Variants in SPIN1 observed in about 807,000 individuals in gnomAD.
SPIN1 encodes the protein spindlin 1.
SPIN1 carries 3 observed loss-of-function variants against 26.0 expected under a neutral mutation model. The ratio of observed to expected loss-of-function variants is 0.12; its 90% confidence interval spans 0.05 to 0.30. The LOEUF is 0.30. Ranked by LOEUF, SPIN1 falls within the 10% of genes least tolerant of loss-of-function variation. The pLI is 1.00. For missense variants in SPIN1, 126 were observed against 333.4 expected (o/e 0.38, Z 4.84); for synonymous variants, 101 against 116.5 (o/e 0.87, Z 0.86).
intron 4 of SPIN1, among the ~76,000 whole-genome samples, chr9:88,463,415 A>G (rs1013632380): frequency 6.6e-6 from 1 of 152,252 alleles, no homozygotes; most frequent in Non-Finnish European, 1.5e-5. Context: ...TTTTCTTATT[A>G]CAGTGATGCT....
chr9:88,465,151 T>C (rs1044763800), intron 4 of SPIN1, among the ~76,000 whole-genome samples: 1 of 152,238 alleles, frequency 6.6e-6, no homozygotes, highest in Non-Finnish European at 1.5e-5. Flanking sequence ...TGTTCACCCA[T>C]TAATGGACAT....
intron 1 of SPIN1, among the ~76,000 whole-genome samples, chr9:88,392,834 C>G (rs1442802821): frequency 6.6e-6 from 1 of 152,162 alleles, no homozygotes; most frequent in Non-Finnish European, 1.5e-5. Context: ...ACTGCCTACA[C>G]CACCTGTAGT....
chr9:88,407,135 TAA>T (rs397893590), intron 1 of SPIN1, among the ~76,000 whole-genome samples: 2,699 of 122,704 alleles, frequency 0.022, 90 homozygotes, highest in African/African-American at 0.075. Context: ...GATCTTCCTT[TAA>T]AAAAAAAAAA....
At chr9:88,432,459 A>AT (rs1238645803) in intron 2 of SPIN1, among the ~76,000 whole-genome samples, 2 of 143,672 alleles carry the variant, frequency 1.4e-5, no homozygotes. Context: ...AAGTGCTGGG[A>AT]TTACAGGTGT....
chr9:88,446,938 G>A (rs575236544), intron 2 of SPIN1, among the ~76,000 whole-genome samples: 1 of 152,300 alleles, frequency 6.6e-6, no homozygotes, highest in South Asian at 2.1e-4. Flanking sequence ...GCTTTGTTGA[G>A]CTTGTTAGCT....
chr9:88,478,243 T>A lies in SPIN1; in HGVS notation c.*2966T>A, dbSNP rs765608188. On this transcript the variant is annotated 3_prime_UTR_variant, in exon 6 of 6. Coordinates refer to ENST00000375859, the MANE Select transcript of SPIN1 (RefSeq NM_006717.3). ...ACGAAGTGCATTGGGCTTCAATCTCTGAACACTGTAGACCCATTAGAAGAC... is the reference window on the plus strand; with the variant it reads ...ACGAAGTGCATTGGGCTTCAATCTCAGAACACTGTAGACCCATTAGAAGAC... 7.2e-5 allele frequency: 11 copies of A among 152,806 alleles called. No homozygotes were observed. The highest frequency in any genetic ancestry group is 2.1e-4 in the South Asian group (1 of 4,834). 9.5% of individuals were successfully genotyped at this position (152,806 alleles called of 1,614,324 possible). A position where few individuals can be genotyped will look rare whatever the true frequency, so the allele number is the denominator to read the frequency against.
At chr9:88,440,583 T>A (rs867738560) in intron 2 of SPIN1, among the ~76,000 whole-genome samples, 17 of 149,622 alleles carry the variant, frequency 1.1e-4, no homozygotes, top group Middle Eastern at 3.4e-3. Context: ...CTTTCTACCC[T>A]TTTTTTTTTC....
intron 2 of SPIN1, among the ~76,000 whole-genome samples, chr9:88,440,610 G>A (rs747085278): frequency 2.7e-5 from 4 of 149,484 alleles, no homozygotes; most frequent in East Asian, 2.0e-4. Context: ...ATGGAGTCTC[G>A]CTCTGTTGCC....
At chr9:88,420,462 A>C (rs1361618838) in intron 1 of SPIN1, among the ~76,000 whole-genome samples, 1 of 152,216 alleles carries the variant, frequency 6.6e-6, no homozygotes, top group Non-Finnish European at 1.5e-5. Flanking sequence ...AATCCAGAGG[A>C]ATGGAGCCAG....
intron 1 of SPIN1, among the ~76,000 whole-genome samples, chr9:88,422,410 T>C (rs1827687982): frequency 2.0e-5 from 3 of 152,372 alleles, no homozygotes; most frequent in South Asian, 2.1e-4. Flanking sequence ...TAAAAAAACC[T>C]GAGCAAATTA....
intron 3 of SPIN1, 132 bp downstream of exon 3, chr9:88,449,121 T>C (rs753389392): frequency 1.4e-4 from 107 of 767,526 alleles, no homozygotes; most frequent in Non-Finnish European, 2.1e-4. Context: ...TAGTGTGCGA[T>C]GAGGAATAGT....
At chr9:88,435,179 C>T (rs1478582391) in intron 2 of SPIN1, among the ~76,000 whole-genome samples, 4 of 151,734 alleles carry the variant, frequency 2.6e-5, no homozygotes, top group Non-Finnish European at 5.9e-5. Context: ...CCAGATTGCC[C>T]TCCATCGACT....
intron 1 of SPIN1, among the ~76,000 whole-genome samples, chr9:88,405,166 A>G (rs1426198287): frequency 6.6e-6 from 1 of 152,226 alleles, no homozygotes; most frequent in Non-Finnish European, 1.5e-5. Context: ...TAGTTAATAC[A>G]TAAACCAGTA....
chr9:88,457,527 C>A (rs1564040435), intron 3 of SPIN1, among the ~76,000 whole-genome samples: 1 of 151,708 alleles, frequency 6.6e-6, no homozygotes, highest in Non-Finnish European at 1.5e-5. Flanking sequence ...GAGACTCTCT[C>A]AAAAAATAAT....
chr9:88,415,899 A>T (rs1413608285), intron 1 of SPIN1, among the ~76,000 whole-genome samples: 1 of 147,390 alleles, frequency 6.8e-6, no homozygotes, highest in Non-Finnish European at 1.5e-5. Context: ...GCCAGCCACC[A>T]TGCTCGGCTA....
chr9:88,400,760 G>A (rs766091173), intron 1 of SPIN1, among the ~76,000 whole-genome samples: 2 of 151,794 alleles, frequency 1.3e-5, no homozygotes, highest in African/African-American at 4.8e-5. Flanking sequence ...CAGGAGAATC[G>A]CTTGAGCCCA....
intron 5 of SPIN1, among the ~76,000 whole-genome samples, chr9:88,471,865 C>G (rs374322661): frequency 6.6e-6 from 1 of 151,892 alleles, no homozygotes; most frequent in African/African-American, 2.4e-5. Context: ...CAGTCGCACT[C>G]TGTTGCTCAG....
At chr9:88,446,599 G>T (rs1315835056) in intron 2 of SPIN1, among the ~76,000 whole-genome samples, 1 of 151,810 alleles carries the variant, frequency 6.6e-6, no homozygotes, top group East Asian at 1.9e-4. Context: ...GTAGAAACAG[G>T]GTTTCACCAT....
intron 5 of SPIN1, among the ~76,000 whole-genome samples, chr9:88,469,320 G>A (rs1394232447): frequency 6.6e-6 from 1 of 152,176 alleles, no homozygotes; most frequent in African/African-American, 2.4e-5. Context: ...GTGGCCCCAG[G>A]TGTCTGGGAC....
Sources: gnomAD v4.1 joint callset for allele counts (sites outside exome capture counted in the v4.1 genomes callset) on GRCh38, gnomAD v4.1.1 for gene constraint, MANE v1.5 for transcripts, NCBI Gene and HGNC (gene_info 2026-07-23, HGNC 2026-07-21) for gene names.